Variants in DYNC2I2 observed in about 807,000 individuals in gnomAD.
DYNC2I2 encodes dynein 2 intermediate chain 2, also known as cytoplasmic dynein 2 intermediate chain 2.
Under a neutral mutation model 52.0 loss-of-function variants are expected in DYNC2I2, and 39 were observed. The observed-to-expected ratio is 0.75, with a 90% CI of 0.58 to 0.98. DYNC2I2 has a LOEUF of 0.98. DYNC2I2 is among the 50% of genes least tolerant of loss of function. DYNC2I2 has a pLI of 0.00. For missense variants in DYNC2I2, 743 were observed against 728.4 expected, an observed-to-expected ratio of 1.02 and a Z score of -0.23; for synonymous variants, 359 against 321.1, an observed-to-expected ratio of 1.12 and a Z score of -1.26.
Position 128,634,331 on chromosome 9 carries a change from G to A in DYNC2I2, c.1267C>T (p.Leu423=), listed in dbSNP as rs1490063360. The change falls in exon 8 of 9, where the codon CTG becomes TTG. Residue 423 remains leucine (L), a synonymous_variant. Transcript: ENST00000372715. ...AGCGAAGTCAAGGGAGGGGCCTGCA[G>A]CATGGAGTACAGGTGGACATGCCCG... The part of the protein sequence containing the change: ...TDGHVHLYSM[L]QAPPLTSLQL... 4 of 1,612,302 alleles carry A rather than the reference G, an allele frequency of 2.5e-6. No homozygotes were observed. Among genetic ancestry groups the A allele is most frequent in the Admixed American group, 1.7e-5 (1 of 59,602 alleles).
intron 1 of DYNC2I2, chr9:128,651,546 A>G (rs1860713432): frequency 1.8e-5 from 1 of 55,648 alleles, no homozygotes; most frequent in African/African-American, 3.6e-5. Flanking sequence ...CACTACTGGA[A>G]GGACCTTGCC....
intron 1 of DYNC2I2, among the ~76,000 whole-genome samples, chr9:128,656,242 T>G (rs1477757517): frequency 6.6e-6 from 1 of 151,664 alleles, no homozygotes; most frequent in East Asian, 1.9e-4. Flanking sequence ...CCAAAAAAAG[T>G]TGTTTGAAAT....
chr9:128,665,888 T>C, the DYNC2I2 span, among the ~76,000 whole-genome samples: 125 of 140,832 alleles, frequency 8.9e-4, no homozygotes, highest in African/African-American at 3.3e-3. Context: ...CTGACCAACA[T>C]GGTGAAACCC....
intron 5 of DYNC2I2, 185 bp downstream of exon 5, chr9:128,635,473 G>A (rs1425894075): frequency 8.9e-6 from 7 of 784,508 alleles, no homozygotes; most frequent in Non-Finnish European, 1.4e-5. Context: ...CTGCAGAGGA[G>A]GCTGGGAATG....
intron 1 of DYNC2I2, among the ~76,000 whole-genome samples, chr9:128,650,672 G>C (rs1398465504): frequency 1.9e-5 from 1 of 53,836 alleles, no homozygotes; most frequent in African/African-American, 3.8e-5. Flanking sequence ...CAAAGTGCTG[G>C]AATTACAGGC....
At chr9:128,644,037 G>C (rs553553401) in intron 1 of DYNC2I2, among the ~76,000 whole-genome samples, 14 of 152,180 alleles carry the variant, frequency 9.2e-5, no homozygotes, top group South Asian at 2.1e-4. Context: ...AAGATGCAAG[G>C]GGACTAAGGC....
Position 128,633,990 on chromosome 9 carries a change from GAGAGAC to G in DYNC2I2, c.1373-14_1373-9del. ...CAAACAGCTGCACGTCACCTGCAAAGAGAGACAGATACGTGGAGTAAGAGAAACTCT... is the reference window on the plus strand; with the variant it reads ...CAAACAGCTGCACGTCACCTGCAAAGAGATACGTGGAGTAAGAGAAACTCT... On this transcript the variant is annotated splice_polypyrimidine_tract_variant and intron_variant, in intron 8 of 8. Coordinates refer to ENST00000372715, the MANE Select transcript of DYNC2I2 (RefSeq NM_052844.4). 1 of 1,612,890 alleles carries G rather than the reference GAGAGAC, an allele frequency of 6.2e-7. No individual in the cohort carries two copies. Among genetic ancestry groups the G allele is most frequent in the Non-Finnish European group, 8.5e-7 (1 of 1,179,920 alleles).
chr9:128,656,908 A>G, upstream of DYNC2I2: 1 of 633,276 alleles, frequency 1.6e-6, no homozygotes. Flanking sequence ...GAGAAGCATG[A>G]CCGGTTTTGC....
chr9:128,635,596 G>A, intron 5 of DYNC2I2, 62 bp downstream of exon 5: 3 of 1,458,148 alleles, frequency 2.1e-6, no homozygotes, highest in Non-Finnish European at 1.9e-6. Flanking sequence ...TCCTAGGAGA[G>A]TGGGCGCCCT....
At chr9:128,671,916 G>A in the DYNC2I2 span, among the ~76,000 whole-genome samples, 3 of 150,962 alleles carry the variant, frequency 2.0e-5, no homozygotes, top group African/African-American at 7.3e-5. Context: ...GCCTCCCAAA[G>A]TGCTGGAATT....
At chr9:128,657,240 G>A (rs1397412526), upstream of DYNC2I2, among the ~76,000 whole-genome samples, 4 of 152,198 alleles carry the variant, frequency 2.6e-5, no homozygotes, top group Admixed American at 2.6e-4. Flanking sequence ...TTCCTACGGA[G>A]ATCCTAAATG....
chr9:128,681,423 C>T, the DYNC2I2 span, among the ~76,000 whole-genome samples: 2 of 152,174 alleles, frequency 1.3e-5, no homozygotes, highest in Non-Finnish European at 2.9e-5. Flanking sequence ...ACTTTCCTTT[C>T]CTTGAATATC....
chr9:128,679,873 T>C, the DYNC2I2 span, among the ~76,000 whole-genome samples: 36 of 152,076 alleles, frequency 2.4e-4, no homozygotes, highest in African/African-American at 8.7e-4. Context: ...CAGACACACA[T>C]ATATAAAATC....
At chr9:128,672,784 T>G in the DYNC2I2 span, among the ~76,000 whole-genome samples, 49 of 152,240 alleles carry the variant, frequency 3.2e-4, no homozygotes, top group African/African-American at 1.1e-3. Context: ...TCCCAGCATT[T>G]TGGGAGGCCG....
the DYNC2I2 span, among the ~76,000 whole-genome samples, chr9:128,669,340 G>A: frequency 2.0e-5 from 3 of 151,896 alleles, no homozygotes; most frequent in Admixed American, 6.6e-5. Flanking sequence ...ACTCCAGCCT[G>A]GGCGACAGAG....
At chr9:128,634,101 G>A (rs1439462439) in intron 8 of DYNC2I2, 119 bp from the exon 9 acceptor site, 4 of 1,551,508 alleles carry the variant, frequency 2.6e-6, no homozygotes, top group Non-Finnish European at 3.5e-6. Flanking sequence ...TTTGAGTTGG[G>A]TTGCTGGAGG....
At chr9:128,651,931 AAAAG>A (rs57706776) in intron 1 of DYNC2I2, 1 of 130,368 alleles carries the variant, frequency 7.7e-6, no homozygotes, top group African/African-American at 3.0e-5. Context: ...AAAAAAAAAA[AAAAG>A]AAAGAAATAT....
chr9:128,684,057 T>C, the DYNC2I2 span: 3 of 1,419,730 alleles, frequency 2.1e-6, no homozygotes, highest in Admixed American at 6.0e-5. Flanking sequence ...TTTGCAAGGA[T>C]TGACTCTCTG....
In DYNC2I2 at chr9:128,656,697, G is replaced by A. The variant is rs757494495; in HGVS notation, c.30C>T (p.Leu10=). MATRAQPGP[L]SQAGSAGVAA... is the part of the protein sequence containing the mutation. ...CAACACCAGCGCTTCCCGCCTGGCT[G>A]AGTGGCCCCGGCTGCGCGCGGGTTG... Residue 10 remains leucine, a synonymous_variant, in exon 1 of 9, where the codon CTC becomes CTT. Transcript: ENST00000372715. 3 of 1,473,268 alleles carry A rather than the reference G, an allele frequency of 2.0e-6. No individual in the cohort carries two copies. The highest frequency in any genetic ancestry group is 2.9e-5 in the African/African-American group (2 of 68,186). 91.3% of individuals were successfully genotyped at this position (1,473,268 alleles called of 1,614,324 possible).
Sources: gnomAD v4.1 joint callset for allele counts (sites outside exome capture counted in the v4.1 genomes callset) on GRCh38, gnomAD v4.1.1 for gene constraint, MANE v1.5 for transcripts, NCBI Gene and HGNC (gene_info 2026-07-23, HGNC 2026-07-21) for gene names.